Variants in CCDC178 observed in about 807,000 individuals in gnomAD.
CCDC178 encodes coiled-coil domain-containing protein 178.
A neutral mutation model predicts 117.4 loss-of-function variants in CCDC178; 126 were observed. The observed-to-expected ratio is 1.07, with a 90% CI of 0.93 to 1.24. The LOEUF is 1.24. Among genes scored for constraint, CCDC178 ranks in the 50% most tolerant of loss-of-function variants. The pLI, the probability that CCDC178 is intolerant of heterozygous loss-of-function variation, is 0.00. For missense variants in CCDC178, 1,030 were observed against 986.9 expected (o/e 1.04, Z -0.59); for synonymous variants, 283 against 313.4 (o/e 0.90, Z 1.02).
chr18:32,965,079 T>G (rs2054783827), intron 22 of CCDC178, among the ~76,000 whole-genome samples: 1 of 151,906 alleles, frequency 6.6e-6, no homozygotes, highest in Non-Finnish European at 1.5e-5. Context: ...TGGCACATAG[T>G]CTTACAGTAA....
chr18:33,270,795 A>G (rs1199465459), intron 12 of CCDC178, among the ~76,000 whole-genome samples: 1 of 151,596 alleles, frequency 6.6e-6, no homozygotes, highest in Non-Finnish European at 1.5e-5. Context: ...AAATAAAGAC[A>G]ACCAGTAATC....
chr18:33,203,386 C>T (rs1650541917), intron 20 of CCDC178, among the ~76,000 whole-genome samples: 1 of 152,042 alleles, frequency 6.6e-6, no homozygotes, highest in African/African-American at 2.4e-5. Context: ...GCATTATCTT[C>T]ATCTTAACTT....
At chr18:33,379,860 C>T (rs1372071765) in intron 5 of CCDC178, among the ~76,000 whole-genome samples, 3 of 152,016 alleles carry the variant, frequency 2.0e-5, no homozygotes, top group African/African-American at 4.8e-5. Context: ...GTAGTGAGAG[C>T]CCTACTGCAC....
chr18:33,187,114 A>AGAGAGAGAGAGAGAGAGAGAGC (rs60923129), intron 20 of CCDC178, among the ~76,000 whole-genome samples: 22 of 150,192 alleles, frequency 1.5e-4, no homozygotes, highest in African/African-American at 5.2e-4. Context: ...AGAGAGAGAG[A>AGAGAGAGAGAGAGAGAGAGAGC]GACTGAGAGA....
rs1200377874 is a variant in CCDC178 at position 33,223,296 on chromosome 18, T to G, written c.1819-77A>C. On this transcript the variant is annotated intron_variant, in intron 17 of 22. Transcript: ENST00000383096. ...TCATTTAGGCCAAATCGTACTTAAG[T>G]GACTATTTTAATAACAACAGCATTT... The G allele has an allele frequency of 7.1e-6, 10 of 1,398,644 alleles. No individual in the cohort carries two copies. In the African/African-American group the frequency reaches 1.2e-4, roughly 16 times the overall value. The allele number at this position is 1,398,644 out of a possible 1,614,324, so 86.6% of individuals were successfully genotyped here. A position where few individuals can be genotyped will look rare whatever the true frequency, so the allele number is the denominator to read the frequency against.
intron 21 of CCDC178, among the ~76,000 whole-genome samples, chr18:33,061,361 T>C (rs1047531484): frequency 6.6e-6 from 1 of 152,116 alleles, no homozygotes; most frequent in South Asian, 2.1e-4. Flanking sequence ...GTAACCATAC[T>C]GTTGTTTCAA....
intron 20 of CCDC178, among the ~76,000 whole-genome samples, chr18:33,208,708 C>G (rs1428180654): frequency 3.9e-5 from 6 of 151,986 alleles, no homozygotes; most frequent in Non-Finnish European, 8.8e-5. Context: ...TATTCCAGTA[C>G]CTGGTGGTCA....
chr18:33,056,985 A>ATT (rs1313654364), intron 21 of CCDC178, among the ~76,000 whole-genome samples: 1 of 145,592 alleles, frequency 6.9e-6, no homozygotes, highest in Non-Finnish European at 1.5e-5. Flanking sequence ...TTTTTCCAAT[A>ATT]TTCTGTAATA....
chr18:33,367,590 GT>G (rs2063229954), intron 6 of CCDC178, among the ~76,000 whole-genome samples: 1 of 151,578 alleles, frequency 6.6e-6, no homozygotes, highest in Admixed American at 6.6e-5. Flanking sequence ...TTTTCTTATT[GT>G]GATAGGTTAG....
intron 20 of CCDC178, among the ~76,000 whole-genome samples, chr18:33,201,695 CT>C (rs1473589840): frequency 6.6e-6 from 1 of 152,136 alleles, no homozygotes; most frequent in Non-Finnish European, 1.5e-5. Flanking sequence ...GAAGGAACTG[CT>C]GCTCCCTAGG....
chr18:33,082,521 G>A (rs533525699), intron 21 of CCDC178, among the ~76,000 whole-genome samples: 5 of 152,210 alleles, frequency 3.3e-5, no homozygotes, highest in Non-Finnish European at 5.9e-5. Context: ...TACATTCTCT[G>A]GAAATTTGGA....
At chr18:33,177,140 G>A (rs1319578694) in intron 20 of CCDC178, among the ~76,000 whole-genome samples, 27 of 152,148 alleles carry the variant, frequency 1.8e-4, no homozygotes, top group East Asian at 1.9e-4. Context: ...TCACTCATAA[G>A]TGGGAGTTGA....
At chr18:33,089,049 T>C (rs986244602) in intron 21 of CCDC178, among the ~76,000 whole-genome samples, 1 of 152,092 alleles carries the variant, frequency 6.6e-6, no homozygotes, top group African/African-American at 2.4e-5. Context: ...AAAATCCCTA[T>C]GAAAATTAAA....
intron 12 of CCDC178, among the ~76,000 whole-genome samples, chr18:33,290,299 T>A (rs2144864133): frequency 6.6e-6 from 1 of 152,290 alleles, no homozygotes; most frequent in East Asian, 1.9e-4. Flanking sequence ...TATAGACCAA[T>A]TTTATAAACA....
rs533503975 is a variant in CCDC178 at position 33,335,483 on chromosome 18, A to G, written c.659-2089T>C. On this transcript the variant is annotated intron_variant, in intron 9 of 22. Transcript: ENST00000383096. Reference sequence around the variant, plus strand: ...ATTATTACTTCCATGAAGATCTTCTATTAAATATTCATGATGCCCTCTCAT... The same window carrying G: ...ATTATTACTTCCATGAAGATCTTCTGTTAAATATTCATGATGCCCTCTCAT... 1.7e-4 allele frequency among the ~76,000 whole-genome samples: 26 copies of G among 152,132 alleles called. No individual in the cohort carries two copies. In the South Asian group the frequency reaches 4.8e-3, roughly 28 times the overall value.
chr18:33,382,506 C>T (rs2063449022), intron 5 of CCDC178, among the ~76,000 whole-genome samples: 1 of 152,140 alleles, frequency 6.6e-6, no homozygotes, highest in Non-Finnish European at 1.5e-5. Context: ...CTCATCGTGA[C>T]TGACTAGGCA....
Position 33,214,408 on chromosome 18 carries a change from A to T in CCDC178, c.2078+1142T>A, listed in dbSNP as rs2144597754. ...GGGCTTTGTCAAGTTTAGAGAGAGAACTGATTCACTGGGACATGGAAACCA... is the reference window on the plus strand; with the variant it reads ...GGGCTTTGTCAAGTTTAGAGAGAGATCTGATTCACTGGGACATGGAAACCA... On this transcript the variant is annotated intron_variant, in intron 19 of 22. Coordinates refer to ENST00000383096, the MANE Select transcript of CCDC178 (RefSeq NM_001105528.4). 1.3e-5 allele frequency among the ~76,000 whole-genome samples: 2 copies of T among 152,100 alleles called. 1 individual carries two copies. Among genetic ancestry groups the T allele is most frequent in the Middle Eastern group, 6.8e-3 (2 of 294 alleles).
chr18:33,213,091 C>A (rs2059125970), intron 19 of CCDC178, among the ~76,000 whole-genome samples: 1 of 151,886 alleles, frequency 6.6e-6, no homozygotes. Flanking sequence ...ACAACAAAAA[C>A]CACTCTATGA....
At chr18:33,134,365 T>C (rs916988071) in intron 20 of CCDC178, among the ~76,000 whole-genome samples, 1 of 152,012 alleles carries the variant, frequency 6.6e-6, no homozygotes, top group Non-Finnish European at 1.5e-5. Flanking sequence ...CAGGCTTATT[T>C]CAACATGTGA....
Sources: allele counts gnomAD v4.1 joint callset (sites outside exome capture counted in the v4.1 genomes callset), GRCh38; gene constraint gnomAD v4.1.1; transcripts MANE v1.5; gene names NCBI Gene and HGNC (gene_info 2026-07-23, HGNC 2026-07-21).